Variants in NOC3L observed in about 807,000 individuals in gnomAD.
The protein encoded by NOC3L is NOC3 like DNA replication regulator, also known as nucleolar complex protein 3 homolog.
Under a neutral mutation model 102.5 loss-of-function variants are expected in NOC3L, and 85 were observed. The ratio of observed to expected loss-of-function variants is 0.83; its 90% CI spans 0.70 to 0.99. NOC3L has a LOEUF of 0.99. NOC3L is among the 50% of genes least tolerant of loss of function. The pLI is 0.00. For synonymous variants in NOC3L, 303 were observed against 309.4 expected (o/e 0.98, Z 0.22); for missense variants, 878 against 914.9 (o/e 0.96, Z 0.52).
intron 9 of NOC3L, 62 bp downstream of exon 9, chr10:94,350,051 C>G (rs2054396117): frequency 2.0e-6 from 3 of 1,521,254 alleles, no homozygotes; most frequent in Non-Finnish European, 2.7e-6. Flanking sequence ...AGCCACCGTG[C>G]CTGGCCCACA....
intron 4 of NOC3L, among the ~76,000 whole-genome samples, 197 bp downstream of exon 4, chr10:94,356,977 A>G (rs1181587787): frequency 6.6e-6 from 1 of 152,208 alleles, no homozygotes; most frequent in Non-Finnish European, 1.5e-5. Flanking sequence ...TTGTAGCTTC[A>G]GTTGTCCTCA....
chr10:94,361,398 T>G, intron 2 of NOC3L: 1 of 442,228 alleles, frequency 2.3e-6, no homozygotes, highest in South Asian at 3.5e-5. Context: ...ACTTTCAGTT[T>G]GTTTTCCCAA....
At chr10:94,343,618 A>G (rs1374430345) in intron 13 of NOC3L, among the ~76,000 whole-genome samples, 1 of 152,216 alleles carries the variant, frequency 6.6e-6, no homozygotes, top group Admixed American at 6.5e-5. Flanking sequence ...TGTACTGCCC[A>G]ACAATGGTAG....
At chr10:94,341,431 TAAAAAAAAA>T (rs1285347169) in intron 14 of NOC3L, among the ~76,000 whole-genome samples, 2 of 139,860 alleles carry the variant, frequency 1.4e-5, no homozygotes, top group African/African-American at 2.6e-5. Flanking sequence ...TGCATCAATT[TAAAAAAAAA>T]AAAAAGAAAA....
At chr10:94,316,647 A>C in the NOC3L span, 8 of 1,612,528 alleles carry the variant, frequency 5.0e-6, no homozygotes, top group African/African-American at 1.3e-5. Flanking sequence ...TGTAGGAAAC[A>C]ACCATTCCAG....
At chr10:94,329,661 C>T (rs527505230), downstream of NOC3L, 6 of 152,102 alleles carry the variant, frequency 3.9e-5, no homozygotes, top group Admixed American at 6.6e-5. Context: ...GCCTGTAATC[C>T]CAGCTACTCG....
chr10:94,342,562 ACACAC>A (rs1564911261), intron 13 of NOC3L, among the ~76,000 whole-genome samples: 1 of 149,720 alleles, frequency 6.7e-6, no homozygotes, highest in African/African-American at 2.5e-5. Flanking sequence ...ATACACACAC[ACACAC>A]ACACACACAC....
intron 18 of NOC3L, 116 bp from the exon 19 acceptor site, chr10:94,337,990 G>A: frequency 1.6e-6 from 1 of 618,282 alleles, no homozygotes; most frequent in Middle Eastern, 2.6e-4. Context: ...CATCACCTAT[G>A]TACAGTATAT....
chr10:94,350,859 T>C (rs955080496), intron 8 of NOC3L, among the ~76,000 whole-genome samples: 2 of 152,014 alleles, frequency 1.3e-5, no homozygotes, highest in African/African-American at 4.8e-5. Context: ...AATTAAGATA[T>C]ACTCTAAGTA....
chr10:94,323,903 T>G, the NOC3L span, among the ~76,000 whole-genome samples: 4 of 152,196 alleles, frequency 2.6e-5, no homozygotes, highest in Admixed American at 2.6e-4. Flanking sequence ...CTTCTAAAAT[T>G]CTTTCAACAT....
chr10:94,329,772 G>T (rs1468272245), downstream of NOC3L: 1 of 45,566 alleles, frequency 2.2e-5, no homozygotes, highest in Non-Finnish European at 4.4e-5. Context: ...GCGAGACTCC[G>T]TCTCAAAAAA....
the NOC3L span, among the ~76,000 whole-genome samples, chr10:94,322,767 A>T: frequency 4.0e-5 from 6 of 151,728 alleles, no homozygotes; most frequent in African/African-American, 1.5e-4. Context: ...CCTGGGCAAC[A>T]AGAGTGAAAC....
rs1828161164 is a variant in NOC3L at position 94,338,597 on chromosome 10, G to T, written c.2091+11C>A. 1.3e-6 allele frequency: 2 copies of T among 1,500,934 alleles called. No homozygotes were observed. Among genetic ancestry groups the T allele is most frequent in the African/African-American group, 1.4e-5 (1 of 71,608 alleles). 93.0% of individuals were successfully genotyped at this position (1,500,934 alleles called of 1,614,324 possible). On this transcript the variant is annotated intron_variant, in intron 18 of 20. Transcript: ENST00000371361. ...CATCCCCAAAAAGAAAAAAACCAGG[G>T]CCACTCTTACCCGCAGAGCATGCAG...
Position 94,355,032 on chromosome 10 carries a change from C to G in NOC3L, c.627G>C (p.Lys209Asn). The G allele has an allele frequency of 1.2e-6, 2 of 1,612,968 alleles. No homozygotes were observed. The highest frequency in any genetic ancestry group is 1.7e-6 in the Non-Finnish European group (2 of 1,179,474). Residue 209 changes from lysine (K) to asparagine (N), a missense_variant, in exon 6 of 21, where the codon AAG becomes AAC. Transcript: ENST00000371361. ...TATGCATCTTCTTCTCCTGTAATTTCTTCTTTCTCTCAATCAAATGTTCTT... is the reference window on the plus strand; with the variant it reads ...TATGCATCTTCTTCTCCTGTAATTTGTTCTTTCTCTCAATCAAATGTTCTT... ...TIEEHLIERK[K>N]KLQEKKMHIA...
At chr10:94,322,152 A>G in the NOC3L span, 1 of 1,221,286 alleles carries the variant, frequency 8.2e-7, no homozygotes, top group Non-Finnish European at 1.2e-6. Flanking sequence ...TTATGAGTGA[A>G]GTTCCTCAAC....
intron 11 of NOC3L, 40 bp downstream of exon 11, chr10:94,346,381 TAAAC>T (rs1331204003): frequency 4.3e-6 from 6 of 1,391,488 alleles, no homozygotes; most frequent in Admixed American, 2.8e-5. Context: ...TAAGATCAAA[TAAAC>T]AGAAAATTTA....
At chr10:94,341,982 T>G (rs1242160505) in intron 13 of NOC3L, among the ~76,000 whole-genome samples, 1 of 152,132 alleles carries the variant, frequency 6.6e-6, no homozygotes, top group African/African-American at 2.4e-5. Flanking sequence ...CCAAAAATAT[T>G]TCAAAAATCC....
At chr10:94,327,983 C>T in the NOC3L span, 1 of 532,392 alleles carries the variant, frequency 1.9e-6, no homozygotes, top group Non-Finnish European at 3.9e-6. Context: ...GATCTTTAAG[C>T]AAGAAGTTAA....
the NOC3L span, among the ~76,000 whole-genome samples, chr10:94,322,911 C>T: frequency 5.4e-3 from 820 of 152,220 alleles, 12 homozygotes; most frequent in African/African-American, 0.018. Flanking sequence ...GAGCCAAAAT[C>T]GTGCCACTTT....
Sources: allele counts gnomAD v4.1 joint callset (sites outside exome capture counted in the v4.1 genomes callset), GRCh38; gene constraint gnomAD v4.1.1; transcripts MANE v1.5; gene names NCBI Gene and HGNC (gene_info 2026-07-23, HGNC 2026-07-21).